The following NCS1 variants were observed in gnomAD, a reference collection of about 807,000 sequenced individuals.
NCS1 encodes frequenin homolog.
In NCS1, 6 loss-of-function variants were observed where a neutral mutation model predicts 28.4. The observed-to-expected ratio is 0.21, with a 90% confidence interval of 0.12 to 0.42. The LOEUF is 0.42. Among genes scored for constraint, NCS1 ranks in the 10% least tolerant of loss-of-function variants. The probability of loss-of-function intolerance (pLI) is 1.00; values close to 1 mark genes in which losing one functional copy is unlikely to be tolerated. For synonymous variants in NCS1, 86 were observed against 99.3 expected, an observed-to-expected ratio of 0.87 and a Z score of 0.79; for missense variants, 131 against 241.4, an observed-to-expected ratio of 0.54 and a Z score of 3.03.
At chr9:130,214,419 G>A (rs1406764452) in intron 2 of NCS1, among the ~76,000 whole-genome samples, 1 of 152,216 alleles carries the variant, frequency 6.6e-6, no homozygotes, top group African/African-American at 2.4e-5. Flanking sequence ...AATCAACTCC[G>A]AATGCAAGGA....
At chr9:130,172,964 G>C (rs1832507279) in intron 1 of NCS1, among the ~76,000 whole-genome samples, 1 of 151,880 alleles carries the variant, frequency 6.6e-6, no homozygotes, top group South Asian at 2.1e-4. Context: ...GGCGTGCGCG[G>C]CGCCACCCCT....
rs189134100 is a variant in NCS1 at position 130,235,440 on chromosome 9, C to T, written c.*2468C>T. The T allele has an allele frequency of 6.6e-6, 1 of 152,568 alleles. No homozygotes were observed. Among genetic ancestry groups the T allele is most frequent in the South Asian group, 2.1e-4 (1 of 4,834 alleles). 9.5% of individuals were successfully genotyped at this position (152,568 alleles called of 1,614,324 possible). ...CAATGGGACTGACACTGTTGTACAA[C>T]CTGACCTGTGGCTGAGGGTGTCTGG... On this transcript the variant is annotated 3_prime_UTR_variant, in exon 8 of 8. Transcript: ENST00000372398.
chr9:130,211,225 TAATGATA>T (rs1366089810), intron 2 of NCS1, among the ~76,000 whole-genome samples: 1 of 151,818 alleles, frequency 6.6e-6, no homozygotes, highest in East Asian at 2.0e-4. Context: ...TTCACAATCA[TAATGATA>T]ATCATAGGGA....
Position 130,222,693 on chromosome 9 carries a change from C to G in NCS1, c.351C>G (p.Thr117=). 1 of 1,614,028 alleles carries G rather than the reference C, an allele frequency of 6.2e-7. No homozygotes were observed. Among genetic ancestry groups the G allele is most frequent in the Non-Finnish European group, 8.5e-7 (1 of 1,180,010 alleles). ...ACTTGGACAATGATGGCTACATCAC[C>G]AGGAATGAGATGCTGGACATTGTGG... The part of the protein sequence containing the change: ...LYDLDNDGYI[T]RNEMLDIVDA... The change falls in exon 5 of 8, where the codon ACC becomes ACG. Residue 117 remains threonine (T), a synonymous_variant. Coordinates refer to ENST00000372398, the MANE Select transcript of NCS1 (RefSeq NM_014286.4).
At position 130,219,289 on chromosome 9, in the gene NCS1, C is replaced by A. The variant is rs1023156615; in HGVS notation, c.229-436C>A. Among the ~76,000 whole-genome samples, 7 of 152,228 alleles carry A rather than the reference C, an allele frequency of 4.6e-5. No homozygotes were observed. In the East Asian group the frequency reaches 1.4e-3, roughly 29 times the overall value. ...TGGGAAGGGCTCTTCCCTTCTTGGG[C>A]CTCGGTTTCTTCATTTGCAAATAAG... On this transcript the variant is annotated intron_variant, in intron 3 of 7. Transcript: ENST00000372398. This position sits in a 1 kb window ranked among gnomAD's most constrained non-coding sequence, Gnocchi z 5.7.
chr9:130,182,067 G>A (rs528258395), intron 1 of NCS1, among the ~76,000 whole-genome samples: 2 of 151,948 alleles, frequency 1.3e-5, no homozygotes, highest in Non-Finnish European at 2.9e-5. Flanking sequence ...GGGGGGAGAT[G>A]ACAGCAATGA....
chr9:130,219,534 T>G lies in NCS1; in HGVS notation c.229-191T>G, dbSNP rs556553815. On this transcript the variant is annotated intron_variant, in intron 3 of 7. Coordinates refer to ENST00000372398, the MANE Select transcript of NCS1 (RefSeq NM_014286.4). The surrounding 1 kb of genome is among the most constrained non-coding windows in gnomAD (Gnocchi z 5.7). ...CTCCCACTTCTAACCCCCCACACAG[T>G]CCCCCAGCCTCTGCTCCCCACCCTC... Among the ~76,000 whole-genome samples the G allele has an allele frequency of 1.9e-4, 27 of 145,220 alleles. No homozygotes were observed. The South Asian group carries it at 5.9e-3, about 32-fold the overall frequency.
At chr9:130,229,445 G>A (rs1833468117) in intron 7 of NCS1, among the ~76,000 whole-genome samples, 1 of 151,840 alleles carries the variant, frequency 6.6e-6, no homozygotes, top group Non-Finnish European at 1.5e-5. Context: ...AGTAGAGATG[G>A]GGTTTCAGCA....
chr9:130,198,594 T>A, intron 1 of NCS1, among the ~76,000 whole-genome samples: 1 of 152,318 alleles, frequency 6.6e-6, no homozygotes, highest in Admixed American at 6.5e-5. Flanking sequence ...GCAGACCCAT[T>A]GGAACTTCAA....
At chr9:130,189,929 C>T (rs569123016) in intron 1 of NCS1, among the ~76,000 whole-genome samples, 13 of 135,252 alleles carry the variant, frequency 9.6e-5, no homozygotes, top group Middle Eastern at 4.1e-3. Flanking sequence ...CTCGAAGGCC[C>T]CAAAGAGGCA....
intron 6 of NCS1, among the ~76,000 whole-genome samples, chr9:130,223,460 C>T (rs1055244825): frequency 4.6e-5 from 7 of 151,738 alleles, no homozygotes; most frequent in South Asian, 2.1e-4. Context: ...TGGCTTTAAG[C>T]GCATAAAATA....
intron 1 of NCS1, among the ~76,000 whole-genome samples, chr9:130,193,564 C>G (rs934557160): frequency 6.6e-6 from 1 of 151,484 alleles, no homozygotes; most frequent in Non-Finnish European, 1.5e-5. Context: ...GAGGCCCGGG[C>G]GATCCCTTTG....
At position 130,209,182 on chromosome 9, in the gene NCS1, G is replaced by A; in HGVS notation, c.89+8200G>A. ...CTGCGCCTGGCTGATTGCAGCTTGG[G>A]GTAATGCTTTATGATTTATCCGTCT... On this transcript the variant is annotated intron_variant, in intron 2 of 7. Transcript: ENST00000372398. The surrounding 1 kb of genome is among the most constrained non-coding windows in gnomAD (Gnocchi z 4.4). Among the ~76,000 whole-genome samples, 1 of 152,198 alleles carries A rather than the reference G, an allele frequency of 6.6e-6. No homozygotes were observed. The highest frequency in any genetic ancestry group is 1.9e-4 in the East Asian group (1 of 5,196).
intron 1 of NCS1, among the ~76,000 whole-genome samples, chr9:130,199,120 G>A (rs1554907161): frequency 6.8e-6 from 1 of 148,060 alleles, no homozygotes. Context: ...TTGAGACACA[G>A]CCTCACTCTG....
At chr9:130,201,036 G>T in intron 2 of NCS1, 54 bp downstream of exon 2, 2 of 1,611,168 alleles carry the variant, frequency 1.2e-6, no homozygotes, top group Admixed American at 3.3e-5. Context: ...TGGGCTTTGT[G>T]GGCTGTGGGC....
chr9:130,181,431 A>T lies in NCS1; in HGVS notation c.64+8704A>T, dbSNP rs541334176. On this transcript the variant is annotated intron_variant, in intron 1 of 7. Transcript: ENST00000372398. This position sits in a 1 kb window ranked among gnomAD's most constrained non-coding sequence, Gnocchi z 5.0. ...GTCACTGCGGTGAGAATCTGGTATTAGGCATGTTCCGTGTGACCCAGGCCT... is the reference window on the plus strand; with the variant it reads ...GTCACTGCGGTGAGAATCTGGTATTTGGCATGTTCCGTGTGACCCAGGCCT... Among the ~76,000 whole-genome samples the T allele has an allele frequency of 4.6e-5, 7 of 152,258 alleles. No individual in the cohort carries two copies. The highest frequency in any genetic ancestry group is 1.0e-4 in the Non-Finnish European group (7 of 68,016).
At chr9:130,198,020 A>C (rs1303107777) in intron 1 of NCS1, among the ~76,000 whole-genome samples, 1 of 151,132 alleles carries the variant, frequency 6.6e-6, no homozygotes, top group African/African-American at 2.4e-5. Context: ...AGCAGTTAGA[A>C]TTGCTGGGCC....
At chr9:130,193,466 T>C (rs1015177592) in intron 1 of NCS1, among the ~76,000 whole-genome samples, 15 of 152,012 alleles carry the variant, frequency 9.9e-5, no homozygotes, top group Admixed American at 1.3e-4. Context: ...GGCATTCTCG[T>C]ATTTTTGAGG....
Position 130,180,289 on chromosome 9 carries a change from C to T in NCS1, c.64+7562C>T, listed in dbSNP as rs1466803981. On this transcript the variant is annotated intron_variant, in intron 1 of 7. Coordinates refer to ENST00000372398, the MANE Select transcript of NCS1 (RefSeq NM_014286.4). This position sits in a 1 kb window ranked among gnomAD's most constrained non-coding sequence, Gnocchi z 4.5. The stretch of plus-strand genomic sequence containing the variant: ...CCTCAAGTGGTGCACCCACCTTGGC[C>T]TCCCAAAGTGCTGGGATTACAGGCG... Among the ~76,000 whole-genome samples, 2 of 152,120 alleles carry T rather than the reference C, an allele frequency of 1.3e-5. No homozygotes were observed. The highest frequency in any genetic ancestry group is 2.9e-5 in the Non-Finnish European group (2 of 68,032).
Sources: allele counts gnomAD v4.1 joint callset (sites outside exome capture counted in the v4.1 genomes callset), GRCh38; gene constraint gnomAD v4.1.1; non-coding constraint Gnocchi (gnomAD v3.1); transcripts MANE v1.5; gene names NCBI Gene and HGNC (gene_info 2026-07-23, HGNC 2026-07-21).